The following NCK1 variants were observed in gnomAD, a reference collection of about 807,000 sequenced individuals.
NCK1 encodes SH2/SH3 adapter protein NCK1.
In NCK1, 19 loss-of-function variants were observed where a neutral mutation model predicts 36.6. The observed-to-expected ratio is 0.52, with a 90% confidence interval of 0.36 to 0.76. The LOEUF is 0.76. Ranked by LOEUF, NCK1 falls within the 30% of genes least tolerant of loss-of-function variation. NCK1 has a pLI of 0.00. For missense variants in NCK1, 358 were observed against 445.6 expected, an observed-to-expected ratio of 0.80 and a Z score of 1.77; for synonymous variants, 165 against 156.0, an observed-to-expected ratio of 1.06 and a Z score of -0.43.
chr3:136,904,120 C>G (rs1245814910), intron 1 of NCK1, among the ~76,000 whole-genome samples: 3 of 151,930 alleles, frequency 2.0e-5, no homozygotes, highest in East Asian at 1.9e-4. Context: ...GGTATAGTAT[C>G]CTTGACTGAC....
At chr3:136,904,325 G>A (rs1013960690) in intron 1 of NCK1, among the ~76,000 whole-genome samples, 1 of 152,022 alleles carries the variant, frequency 6.6e-6, no homozygotes, top group African/African-American at 2.4e-5. Flanking sequence ...GCTAATTTTT[G>A]TATTTTTAGT....
At chr3:136,879,499 A>G (rs940908373) in intron 1 of NCK1, among the ~76,000 whole-genome samples, 2 of 152,216 alleles carry the variant, frequency 1.3e-5, no homozygotes, top group African/African-American at 4.8e-5. Context: ...GCCAGATATT[A>G]TGGGTTGAGT....
At chr3:136,862,825 C>T (rs1478339935) in intron 1 of NCK1, among the ~76,000 whole-genome samples, 1 of 152,234 alleles carries the variant, frequency 6.6e-6, no homozygotes, top group Non-Finnish European at 1.5e-5. Flanking sequence ...CTGCGCGGTG[C>T]TGCGGGTGGA....
At chr3:136,941,231 C>T (rs908799585) in intron 2 of NCK1, among the ~76,000 whole-genome samples, 2 of 150,456 alleles carry the variant, frequency 1.3e-5, no homozygotes, top group Non-Finnish European at 3.0e-5. Context: ...GTTCAAGCGA[C>T]ACTTATATGT....
At chr3:136,883,477 C>T (rs923764951) in intron 1 of NCK1, among the ~76,000 whole-genome samples, 1 of 152,096 alleles carries the variant, frequency 6.6e-6, no homozygotes, top group African/African-American at 2.4e-5. Context: ...TAACTAAAAG[C>T]TGTAATTAGA....
At chr3:136,925,907 C>CAA (rs2108127121) in intron 1 of NCK1, among the ~76,000 whole-genome samples, 1 of 152,256 alleles carries the variant, frequency 6.6e-6, no homozygotes, top group South Asian at 2.1e-4. Context: ...GAGAAACTGT[C>CAA]AGACAATTTT....
intron 1 of NCK1, among the ~76,000 whole-genome samples, chr3:136,866,801 T>TG (rs1205527342): frequency 4.0e-5 from 6 of 151,710 alleles, no homozygotes; most frequent in East Asian, 1.9e-4. Context: ...TTAGTAGAGA[T>TG]GGGGTTTCAC....
chr3:136,929,951 G>C (rs1414439273), intron 2 of NCK1, among the ~76,000 whole-genome samples: 1 of 152,078 alleles, frequency 6.6e-6, no homozygotes, highest in Non-Finnish European at 1.5e-5. Flanking sequence ...GTTTTATCAA[G>C]ATTTTATCTC....
chr3:136,893,923 C>T (rs1024218980), intron 1 of NCK1, among the ~76,000 whole-genome samples: 2 of 152,100 alleles, frequency 1.3e-5, no homozygotes, highest in South Asian at 2.1e-4. Context: ...TTGCTTCTGT[C>T]CTTTCGGCTT....
At chr3:136,920,058 A>C (rs1466718949) in intron 1 of NCK1, among the ~76,000 whole-genome samples, 1 of 152,126 alleles carries the variant, frequency 6.6e-6, no homozygotes, top group Non-Finnish European at 1.5e-5. Context: ...AGTAATGCAA[A>C]AAGACAAGGC....
chr3:136,883,466 C>G (rs987206979), intron 1 of NCK1, among the ~76,000 whole-genome samples: 1 of 151,946 alleles, frequency 6.6e-6, no homozygotes, highest in Non-Finnish European at 1.5e-5. Context: ...TTTTTTTTCT[C>G]TAACTAAAAG....
chr3:136,874,357 G>T (rs1262836653), intron 1 of NCK1, among the ~76,000 whole-genome samples: 2 of 152,106 alleles, frequency 1.3e-5, no homozygotes, highest in East Asian at 3.9e-4. Flanking sequence ...TATATTTTTA[G>T]TAGAGATGGG....
chr3:136,922,213 A>G (rs1322959912), intron 1 of NCK1, among the ~76,000 whole-genome samples: 5 of 152,204 alleles, frequency 3.3e-5, no homozygotes, highest in Non-Finnish European at 1.5e-5. Context: ...TAGGCCCACC[A>G]ATGTTTGGCC....
chr3:136,886,975 C>T (rs985699600), intron 1 of NCK1, among the ~76,000 whole-genome samples: 3 of 152,088 alleles, frequency 2.0e-5, no homozygotes, highest in Non-Finnish European at 2.9e-5. Context: ...TCCCAAGTAG[C>T]TGGGACTACA....
At chr3:136,938,027 TCAGCTCC>T (rs1173705707) in intron 2 of NCK1, among the ~76,000 whole-genome samples, 4 of 152,220 alleles carry the variant, frequency 2.6e-5, no homozygotes, top group Non-Finnish European at 5.9e-5. Context: ...GAGTGTGATG[TCAGCTCC>T]ACAGTTTTTT....
In NCK1 at chr3:136,919,358, C is replaced by CA. The variant is rs144850520; in HGVS notation, c.-18-8619dup. Among the ~76,000 whole-genome samples the CA allele has an allele frequency of 5.7e-4, 86 of 151,814 alleles. No homozygotes were observed. The East Asian group carries it at 0.014, about 24-fold the overall frequency. ...ATCTTACTGTATGTAAAATAAACAG[C>CA]AAAAAAATATATGGCCCTATTTTTA... On this transcript the variant is annotated intron_variant, in intron 1 of 3. Coordinates refer to ENST00000481752, the MANE Select transcript of NCK1 (RefSeq NM_001291999.2).
chr3:136,943,147 T>G (rs1940720431), intron 2 of NCK1, among the ~76,000 whole-genome samples: 1 of 152,178 alleles, frequency 6.6e-6, no homozygotes, highest in Non-Finnish European at 1.5e-5. Flanking sequence ...TAAGTTTTTT[T>G]TTTTTACTAG....
chr3:136,877,497 T>G (rs1483057047), intron 1 of NCK1, among the ~76,000 whole-genome samples: 2 of 152,176 alleles, frequency 1.3e-5, no homozygotes, highest in African/African-American at 4.8e-5. Context: ...AGTTATAGCC[T>G]TCAAATCTAT....
intron 1 of NCK1, among the ~76,000 whole-genome samples, chr3:136,871,544 C>T (rs1005368373): frequency 7.9e-5 from 12 of 152,218 alleles, no homozygotes; most frequent in East Asian, 1.9e-4. Context: ...TTTTAGTGTT[C>T]GAAAAGGCTC....
Sources: gnomAD v4.1 joint callset for allele counts (sites outside exome capture counted in the v4.1 genomes callset) on GRCh38, gnomAD v4.1.1 for gene constraint, MANE v1.5 for transcripts, NCBI Gene and HGNC (gene_info 2026-07-23, HGNC 2026-07-21) for gene names.